ZDHHC16: variants seen among roughly 807,000 people sequenced by gnomAD.
ZDHHC16 encodes the protein palmitoyltransferase ZDHHC16.
In ZDHHC16, 33 loss-of-function variants were observed where a neutral mutation model predicts 54.4. That is an observed-to-expected ratio of 0.61 (90% confidence interval 0.46 to 0.81). ZDHHC16 has a LOEUF of 0.81. ZDHHC16 is among the 30% of genes least tolerant of loss of function. The pLI, the probability that ZDHHC16 is intolerant of heterozygous loss-of-function variation, is 0.00. For missense variants in ZDHHC16, 420 were observed against 485.9 expected, an observed-to-expected ratio of 0.86 and a Z score of 1.28; for synonymous variants, 185 against 182.1, an observed-to-expected ratio of 1.02 and a Z score of -0.13.
rs1452609858 is a variant in ZDHHC16, at chr10:97,456,981, G to C, written c.*90G>C. 2 of 1,081,240 alleles carry C rather than the reference G, an allele frequency of 1.8e-6. No homozygotes were observed. Among genetic ancestry groups the C allele is most frequent in the Non-Finnish European group, 2.6e-6 (2 of 775,684 alleles). 67.0% of individuals were successfully genotyped at this position (1,081,240 alleles called of 1,614,324 possible). A position where few individuals can be genotyped will look rare whatever the true frequency, so the allele number is the denominator to read the frequency against. On this transcript the variant is annotated 3_prime_UTR_variant, in exon 12 of 12. Coordinates refer to ENST00000393760, the MANE Select transcript of ZDHHC16 (RefSeq NM_198046.3). ...AAGGGCAGCTTTTCTCAGAATCCTTGATCAAAAAGAGCCAGTGGGCCTGCC... is the reference window on the plus strand; with the variant it reads ...AAGGGCAGCTTTTCTCAGAATCCTTCATCAAAAAGAGCCAGTGGGCCTGCC...
intron 1 of ZDHHC16, among the ~76,000 whole-genome samples, chr10:97,449,859 T>TTC (rs2133199221): frequency 1.2e-5 from 1 of 86,016 alleles, no homozygotes; most frequent in East Asian, 3.0e-4. Flanking sequence ...CTCCCCTTAA[T>TTC]TCTTTTTTTT....
rs1846003466 is a variant in ZDHHC16 at position 97,446,233 on chromosome 10, G to C, written c.-306G>C. 3.0e-5 allele frequency: 18 copies of C among 606,236 alleles called. No homozygotes were observed. The South Asian group carries it at 3.5e-4, about 12-fold the overall frequency. The allele number at this position is 606,236 out of a possible 1,614,324, so 37.6% of individuals were successfully genotyped here. On this transcript the variant is annotated 5_prime_UTR_variant, in exon 1 of 12. Coordinates refer to ENST00000393760, the MANE Select transcript of ZDHHC16 (RefSeq NM_198046.3). ...CCGCTGCCTGGCGCTGCGGGCGGCG[G>C]GCCATGGTGGTTTGGATTGAGCCGG...
chr10:97,455,081 C>G lies in ZDHHC16; in HGVS notation c.824+282C>G, dbSNP rs868210881. On this transcript the variant is annotated intron_variant, in intron 9 of 11. Transcript: ENST00000393760. ...TAGCACCTGTCTAAAGGCTGGGTGA[C>G]TGTATTTATAGATGAGGAAAACTGA... Among the ~76,000 whole-genome samples the G allele has an allele frequency of 2.0e-5, 3 of 152,168 alleles. No individual in the cohort carries two copies. In the South Asian group the frequency reaches 6.2e-4, roughly 31 times the overall value.
In ZDHHC16 at chr10:97,454,815, A is replaced by G; in HGVS notation, c.824+16A>G. ...TCCTGTGCAGGTATTTGTTTTTGATAGTTTTAAGGGAGGGGAAGCTTCAGA... is the reference window on the plus strand; with the variant it reads ...TCCTGTGCAGGTATTTGTTTTTGATGGTTTTAAGGGAGGGGAAGCTTCAGA... On this transcript the variant is annotated intron_variant, in intron 9 of 11. Transcript: ENST00000393760. The G allele has an allele frequency of 6.2e-7, 1 of 1,613,134 alleles. No individual in the cohort carries two copies. Among genetic ancestry groups the G allele is most frequent in the South Asian group, 1.1e-5 (1 of 90,978 alleles).
intron 8 of ZDHHC16, 74 bp downstream of exon 8, chr10:97,453,920 G>A (rs560794312): frequency 6.5e-5 from 103 of 1,596,000 alleles, no homozygotes; most frequent in Non-Finnish European, 8.6e-5. Flanking sequence ...ATCTGGGGCC[G>A]ACCTGCCCAT....
intron 1 of ZDHHC16, among the ~76,000 whole-genome samples, chr10:97,447,492 A>C (rs1478331699): frequency 2.6e-5 from 4 of 152,214 alleles, no homozygotes; most frequent in African/African-American, 9.6e-5. Flanking sequence ...CTATTACTGA[A>C]GGATCAGAGT....
intron 11 of ZDHHC16, 97 bp from the exon 12 acceptor site, chr10:97,456,680 T>G: frequency 1.3e-6 from 1 of 790,510 alleles, no homozygotes; most frequent in Non-Finnish European, 2.0e-6. Context: ...GACACCGAGG[T>G]AGCTTCAGGA....
Position 97,455,706 on chromosome 10 carries a change from CTCATCAG to C in ZDHHC16, c.874_880del (p.Ile292GlufsTer66). The C allele has an allele frequency of 6.2e-7, 1 of 1,614,168 alleles. No individual in the cohort carries two copies. The highest frequency in any genetic ancestry group is 8.5e-7 in the Non-Finnish European group (1 of 1,180,048). ...TGCCCTAACTGTATGGCATGCTGTT[CTCATCAG>C]TCGAGGTGAGACTAGCATCGAAAGG... is the stretch of plus-strand genomic sequence containing the variant. On this transcript the variant is annotated frameshift_variant, in exon 10 of 12. Coordinates refer to ENST00000393760, the MANE Select transcript of ZDHHC16 (RefSeq NM_198046.3). LOFTEE classifies it high-confidence loss of function.
chr10:97,446,901 T>A (rs1000058773), intron 1 of ZDHHC16, among the ~76,000 whole-genome samples: 1 of 152,218 alleles, frequency 6.6e-6, no homozygotes, highest in African/African-American at 2.4e-5. Flanking sequence ...GTAGTTTTAG[T>A]AGTGACGGGG....
chr10:97,454,684 T>C (rs774212589), intron 8 of ZDHHC16, 30 bp from the exon 9 acceptor site: 141 of 1,602,668 alleles, frequency 8.8e-5, no homozygotes, highest in Non-Finnish European at 1.2e-4. Context: ...ACAGAGCAAA[T>C]GAGCCAGCTT....
Position 97,449,829 on chromosome 10 carries a change from C to CTT in ZDHHC16, c.-185-522_-185-521dup, listed in dbSNP as rs577073071. ...ACAGGCGTGAGCCACTGCGCCCGGCCTTTTTTTCTCTTTTCTACACTCCCC... is the reference window on the plus strand; with the variant it reads ...ACAGGCGTGAGCCACTGCGCCCGGCCTTTTTTTTTCTCTTTTCTACACTCCCC... On this transcript the variant is annotated intron_variant, in intron 1 of 11. Coordinates refer to ENST00000393760, the MANE Select transcript of ZDHHC16 (RefSeq NM_198046.3). Among the ~76,000 whole-genome samples the CTT allele has an allele frequency of 2.3e-3, 306 of 135,338 alleles. No individual in the cohort carries two copies. In the Middle Eastern group the frequency reaches 0.029, roughly 13 times the overall value. 88.8% of individuals were successfully genotyped at this position (135,338 alleles called of 152,430 possible).
chr10:97,451,794 G>A lies in ZDHHC16; in HGVS notation c.119G>A (p.Arg40His), dbSNP rs373981468. Residue 40 changes from arginine (R) to histidine (H), a missense_variant, in exon 3 of 12, where the codon CGC (arginine) becomes CAC (histidine). Arg to His is a conservative substitution (Grantham distance 29, BLOSUM62 0). Transcript: ENST00000393760. The stretch of plus-strand genomic sequence containing the variant: ...CTCCGGGGTCTAGTACAGCGCTGGC[G>A]CTACGGCAAGGTCTGCCTGCGCTCC... ...PLLRGLVQRW[R>H]YGKVCLRSLL... 4.3e-6 allele frequency: 7 copies of A among 1,614,190 alleles called. No individual in the cohort carries two copies. The highest frequency in any genetic ancestry group is 1.1e-5 in the South Asian group (1 of 91,088).
chr10:97,454,606 C>T lies in ZDHHC16; in HGVS notation c.739-108C>T, dbSNP rs1366771465. ...TACCCTAACTCCTCTGTGGCTTTACCCTGTTTTCTCTGCCTGGATTTGGAT... is the reference window on the plus strand; with the variant it reads ...TACCCTAACTCCTCTGTGGCTTTACTCTGTTTTCTCTGCCTGGATTTGGAT... On this transcript the variant is annotated intron_variant, in intron 8 of 11. Transcript: ENST00000393760. 5 of 1,042,740 alleles carry T rather than the reference C, an allele frequency of 4.8e-6. No individual in the cohort carries two copies. In the Admixed American group the frequency reaches 5.5e-5, roughly 12 times the overall value. 64.6% of individuals were successfully genotyped at this position (1,042,740 alleles called of 1,614,324 possible).
intron 2 of ZDHHC16, chr10:97,451,287 G>C (rs1182939633): frequency 5.0e-6 from 1 of 199,348 alleles, no homozygotes; most frequent in East Asian, 1.3e-4. Flanking sequence ...GTCCATGTTG[G>C]CCACACTCCA....
intron 10 of ZDHHC16, 73 bp from the exon 11 acceptor site, chr10:97,455,901 A>G: frequency 6.2e-7 from 1 of 1,608,640 alleles, no homozygotes; most frequent in Non-Finnish European, 8.5e-7. Context: ...GAACTACTCT[A>G]TCTGAGCTTT....
chr10:97,452,011 C>T (rs1846678499), intron 3 of ZDHHC16, 79 bp from the exon 4 acceptor site: 1 of 1,599,600 alleles, frequency 6.3e-7, no homozygotes, highest in African/African-American at 1.3e-5. Flanking sequence ...GAGGCCGGCC[C>T]CCACCCCCAG....
At chr10:97,451,373 G>A (rs1406219006) in intron 2 of ZDHHC16, among the ~76,000 whole-genome samples, 1 of 152,218 alleles carries the variant, frequency 6.6e-6, no homozygotes, top group Non-Finnish European at 1.5e-5. Context: ...CTTTCCTGTG[G>A]CCTGTTGCTT....
chr10:97,455,747 C>T lies in ZDHHC16; in HGVS notation c.912C>T (p.Asn304=), dbSNP rs1398814367. The change falls in exon 10 of 12, where the codon AAC becomes AAT. Residue 304 remains asparagine (N), a synonymous_variant. Coordinates refer to ENST00000393760, the MANE Select transcript of ZDHHC16 (RefSeq NM_198046.3). ...RGETSIERHI[N]KKERRRLQAK... is the part of the protein sequence containing the mutation. ...AGACTAGCATCGAAAGGCACATCAA[C>T]AAGAAGGAGAGACGTCGGCTACAGG... 1.9e-6 allele frequency: 3 copies of T among 1,614,034 alleles called. No individual in the cohort carries two copies. Among genetic ancestry groups the T allele is most frequent in the Admixed American group, 1.7e-5 (1 of 59,984 alleles).
intron 1 of ZDHHC16, among the ~76,000 whole-genome samples, chr10:97,449,822 GC>G (rs1339315979): frequency 6.7e-6 from 1 of 148,366 alleles, no homozygotes; most frequent in African/African-American, 2.5e-5. Flanking sequence ...GAGCCACTGC[GC>G]CCGGCCTTTT....
Sources: allele counts gnomAD v4.1 joint callset (sites outside exome capture counted in the v4.1 genomes callset), GRCh38; gene constraint gnomAD v4.1.1; transcripts MANE v1.5; gene names NCBI Gene and HGNC (gene_info 2026-07-23, HGNC 2026-07-21).